Variants in TIAM1 observed in about 807,000 individuals in gnomAD.
TIAM1 encodes the protein rho guanine nucleotide exchange factor TIAM1.
A neutral mutation model predicts 163.5 loss-of-function variants in TIAM1; 65 were observed. That is an observed-to-expected ratio of 0.40 (90% CI 0.33 to 0.49). The LOEUF is 0.49. Ranked by LOEUF, TIAM1 falls within the 20% of genes least tolerant of loss-of-function variation. The probability of loss-of-function intolerance (pLI) is 0.77; values close to 1 mark genes in which losing one functional copy is unlikely to be tolerated. For synonymous variants in TIAM1, 833 were observed against 810.1 expected, an observed-to-expected ratio of 1.03 and a Z score of -0.48; for missense variants, 1,789 against 2,044.7, an observed-to-expected ratio of 0.87 and a Z score of 2.41.
At chr21:31,202,277 C>T (rs546485627) in intron 12 of TIAM1, among the ~76,000 whole-genome samples, 3 of 152,008 alleles carry the variant, frequency 2.0e-5, no homozygotes, top group African/African-American at 4.8e-5. Flanking sequence ...ACTGGCCGTG[C>T]GCAGTGGCTC....
intron 7 of TIAM1, among the ~76,000 whole-genome samples, chr21:31,224,684 G>C (rs2087831911): frequency 6.6e-6 from 1 of 152,110 alleles, no homozygotes; most frequent in African/African-American, 2.4e-5. Flanking sequence ...AATTGTTCGT[G>C]TTAAAATGGT....
rs2082848252 is a variant in TIAM1, at chr21:31,141,609, C to A, written c.3476-105G>T. 3 of 1,340,154 alleles carry A rather than the reference C, an allele frequency of 2.2e-6. No individual in the cohort carries two copies. In the East Asian group the frequency reaches 7.0e-5, roughly 31 times the overall value. 83.0% of individuals were successfully genotyped at this position (1,340,154 alleles called of 1,614,324 possible). ...GACTCCAAGGTGCCTTTTTGCAGGA[C>A]TGAGCAGAGAGTGGGTGGCAGGAAG... is the stretch of plus-strand genomic sequence containing the variant. On this transcript the variant is annotated intron_variant, in intron 20 of 27. Coordinates refer to ENST00000541036, the MANE Select transcript of TIAM1 (RefSeq NM_001353694.2). The surrounding 1 kb of genome is among the most constrained non-coding windows in gnomAD (Gnocchi z 4.7).
chr21:31,462,481 A>T (rs1292150546), intron 2 of TIAM1, among the ~76,000 whole-genome samples: 3 of 152,226 alleles, frequency 2.0e-5, no homozygotes, highest in African/African-American at 7.2e-5. Context: ...ACAAAAACCA[A>T]GTCGAGAGAT....
intron 1 of TIAM1, among the ~76,000 whole-genome samples, chr21:31,537,522 T>A (rs1602516745): frequency 6.9e-6 from 1 of 145,192 alleles, no homozygotes; most frequent in African/African-American, 2.6e-5. Flanking sequence ...GAGGCTAAGG[T>A]GGGTGGATCG....
chr21:31,357,653 G>C (rs1184395872), intron 2 of TIAM1, among the ~76,000 whole-genome samples: 2 of 152,080 alleles, frequency 1.3e-5, no homozygotes, highest in Non-Finnish European at 2.9e-5. Flanking sequence ...TATTAAAAGA[G>C]GCATCTGTAT....
rs571812682 is a variant in TIAM1, at chr21:31,187,020, G to A, written c.2643C>T (p.Thr881=). Reference sequence around the variant, plus strand: ...ACTTACCTTTCTTGGAAGCTAAACCGGTTTCCTTCACACTATTCACGTACA... The same window carrying A: ...ACTTACCTTTCTTGGAAGCTAAACCAGTTTCCTTCACACTATTCACGTACA... ...RRLYVNSVKE[T]GLASKKGLKA... Residue 881 remains threonine, a synonymous_variant, in exon 14 of 28, where the codon ACC becomes ACT. Coordinates refer to ENST00000541036, the MANE Select transcript of TIAM1 (RefSeq NM_001353694.2). The A allele has an allele frequency of 4.5e-5, 73 of 1,614,010 alleles. No homozygotes were observed. The East Asian group carries it at 9.6e-4, about 21-fold the overall frequency.
At chr21:31,210,626 AAAG>A (rs2086717098) in intron 10 of TIAM1, among the ~76,000 whole-genome samples, 1 of 15,796 alleles carries the variant, frequency 6.3e-5, no homozygotes, top group African/African-American at 2.8e-4. Context: ...AGAAAGAAAG[AAAG>A]AAAGAAAGAA....
intron 11 of TIAM1, among the ~76,000 whole-genome samples, chr21:31,203,328 G>A (rs1036903858): frequency 5.9e-5 from 9 of 152,116 alleles, no homozygotes; most frequent in African/African-American, 1.9e-4. Context: ...TCACTATGTT[G>A]GCCAGGCTGG....
intron 6 of TIAM1, among the ~76,000 whole-genome samples, chr21:31,233,285 T>C (rs1358036659): frequency 6.6e-6 from 1 of 152,226 alleles, no homozygotes; most frequent in African/African-American, 2.4e-5. Context: ...AAAGTTACCA[T>C]TTTTTAAGAG....
intron 1 of TIAM1, among the ~76,000 whole-genome samples, chr21:31,527,299 G>C (rs1232051216): frequency 6.6e-6 from 1 of 152,080 alleles, no homozygotes; most frequent in Non-Finnish European, 1.5e-5. Flanking sequence ...GAAAATTTTG[G>C]TAGAGAATGA....
Position 31,338,145 on chromosome 21 carries a change from G to C in TIAM1, c.-189+1098C>G, listed in dbSNP as rs117309336. ...CCACTGTGTACATGCGGAGAAAGGA[G>C]TGGCTACGCTGCTGTGCGTCTGGAT... is the stretch of plus-strand genomic sequence containing the variant. On this transcript the variant is annotated intron_variant, in intron 2 of 27. Coordinates refer to ENST00000541036, the MANE Select transcript of TIAM1 (RefSeq NM_001353694.2). Among the ~76,000 whole-genome samples, 548 of 152,354 alleles carry C rather than the reference G, an allele frequency of 3.6e-3. 4 individuals carry two copies. The highest frequency in any genetic ancestry group is 6.8e-3 in the Middle Eastern group (2 of 294).
chr21:31,413,997 T>C (rs1458405145), intron 2 of TIAM1, among the ~76,000 whole-genome samples: 2 of 152,206 alleles, frequency 1.3e-5, no homozygotes, highest in Non-Finnish European at 2.9e-5. Flanking sequence ...TCAAGGCAAC[T>C]GCAAACATGA....
chr21:31,405,455 C>T (rs564114947), intron 2 of TIAM1, among the ~76,000 whole-genome samples: 46 of 152,158 alleles, frequency 3.0e-4, no homozygotes, highest in African/African-American at 9.9e-4. Flanking sequence ...TCCCCCTTCC[C>T]GAGCCCACTT....
upstream of TIAM1, among the ~76,000 whole-genome samples, chr21:31,345,321 A>T (rs74564978): frequency 0.028 from 4,330 of 152,196 alleles, 227 homozygotes; most frequent in African/African-American, 0.099. Context: ...TAAAAACCCA[A>T]CATTCATTAA....
intron 3 of TIAM1, among the ~76,000 whole-genome samples, chr21:31,271,520 G>C (rs940301224): frequency 6.6e-6 from 1 of 152,130 alleles, no homozygotes; most frequent in African/African-American, 2.4e-5. Flanking sequence ...TGAACTTAGG[G>C]GTGAGGGTGT....
chr21:31,121,625 C>T (rs747221397), intron 27 of TIAM1, among the ~76,000 whole-genome samples: 1 of 152,152 alleles, frequency 6.6e-6, no homozygotes, highest in Non-Finnish European at 1.5e-5. Flanking sequence ...TCATTCTTCT[C>T]CAAAGCAATT....
chr21:31,526,288 G>A (rs557284457), intron 1 of TIAM1, among the ~76,000 whole-genome samples: 37 of 152,268 alleles, frequency 2.4e-4, no homozygotes, highest in African/African-American at 7.2e-4. Context: ...GGAAGGCAGC[G>A]GGAAGCAAGC....
chr21:31,351,166 TA>T (rs1234314953), intron 2 of TIAM1, among the ~76,000 whole-genome samples: 1 of 152,140 alleles, frequency 6.6e-6, no homozygotes, highest in African/African-American at 2.4e-5. Context: ...GGGTCTAACA[TA>T]GGGGTGACAC....
At chr21:31,361,870 T>TAGATAGAC (rs2076412546) in intron 2 of TIAM1, among the ~76,000 whole-genome samples, 1 of 151,186 alleles carries the variant, frequency 6.6e-6, no homozygotes, top group Non-Finnish European at 1.5e-5. Flanking sequence ...GATAGATAGA[T>TAGATAGAC]AGATAGATAG....
Sources: allele counts gnomAD v4.1 joint callset (sites outside exome capture counted in the v4.1 genomes callset), GRCh38; gene constraint gnomAD v4.1.1; non-coding constraint Gnocchi (gnomAD v3.1); transcripts MANE v1.5; gene names NCBI Gene and HGNC (gene_info 2026-07-23, HGNC 2026-07-21).